THRAP3: variants seen among roughly 807,000 people sequenced by gnomAD.
THRAP3 encodes thyroid hormone receptor associated protein 3.
A neutral mutation model predicts 101.0 loss-of-function variants in THRAP3; 16 were observed. That is an observed-to-expected ratio of 0.16 (90% CI 0.11 to 0.24). The LOEUF is 0.24. THRAP3 is among the 10% of genes least tolerant of loss of function. The pLI is 1.00. For missense variants in THRAP3, 989 were observed against 1,202.7 expected, an observed-to-expected ratio of 0.82 and a Z score of 2.63; for synonymous variants, 407 against 422.6, an observed-to-expected ratio of 0.96 and a Z score of 0.45.
intron 1 of THRAP3, among the ~76,000 whole-genome samples, chr1:36,253,753 C>A (rs910701240): frequency 2.4e-4 from 16 of 67,014 alleles, no homozygotes; most frequent in Admixed American, 1.1e-3. Context: ...ACCATTGAGT[C>A]AGGCTAATTT....
At chr1:36,276,258 G>A (rs1014010062) in intron 2 of THRAP3, among the ~76,000 whole-genome samples, 6 of 151,662 alleles carry the variant, frequency 4.0e-5, no homozygotes, top group African/African-American at 1.2e-4. Context: ...GGGTGTGGTG[G>A]CTCACACCTG....
rs190209024 is a variant in THRAP3, at chr1:36,261,195, C to T, written c.-32+1711C>T. 2.5e-3 allele frequency among the ~76,000 whole-genome samples: 378 copies of T among 152,178 alleles called. 2 individuals are homozygous for T. The highest frequency in any genetic ancestry group is 4.1e-3 in the Non-Finnish European group (280 of 68,018). On this transcript the variant is annotated intron_variant, in intron 2 of 11. Coordinates refer to ENST00000354618, the MANE Select transcript of THRAP3 (RefSeq NM_005119.4). ...GGCAGATCACTTGAGGCCAGGAGTT[C>T]GAGACCAGCTGGCCAACATGGTAAA...
chr1:36,285,762 T>A (rs1645787052), intron 3 of THRAP3, among the ~76,000 whole-genome samples: 1 of 152,254 alleles, frequency 6.6e-6, no homozygotes, highest in African/African-American at 2.4e-5. Flanking sequence ...TTTAGTAAGT[T>A]CTTTTAAGCT....
At chr1:36,223,937 G>C (rs142988952), upstream of THRAP3, among the ~76,000 whole-genome samples, 84 of 152,350 alleles carry the variant, frequency 5.5e-4, 1 homozygote, top group East Asian at 0.011. Context: ...CAACATCGCT[G>C]TGGGGTAGAA....
chr1:36,232,505 T>C (rs1169168399), intron 1 of THRAP3, among the ~76,000 whole-genome samples: 1 of 152,248 alleles, frequency 6.6e-6, no homozygotes, highest in African/African-American at 2.4e-5. Context: ...TGACATGATA[T>C]TTATTTTTAA....
At chr1:36,233,963 C>G (rs1453441767) in intron 1 of THRAP3, among the ~76,000 whole-genome samples, 1 of 151,616 alleles carries the variant, frequency 6.6e-6, no homozygotes, top group Non-Finnish European at 1.5e-5. Context: ...TTTTCTTTTT[C>G]TTTTTATTTT....
chr1:36,289,062 A>G lies in THRAP3; in HGVS notation c.1043A>G (p.Tyr348Cys), dbSNP rs1261204586. 6 of 1,576,144 alleles carry G rather than the reference A, an allele frequency of 3.8e-6. No homozygotes were observed. The Admixed American group carries it at 9.7e-5, about 25-fold the overall frequency. Residue 348 changes from tyrosine to cysteine, a missense_variant and splice_region_variant, in exon 5 of 12, where the codon TAT (tyrosine) becomes TGT (cysteine). Transcript: ENST00000354618. ...ASGGAAYTKR[Y>C]LEEQKTENGK... ...CTCTCTTGTGTTTTTATAAATAGGT[A>G]TCTAGAAGAGCAGAAGACAGAGAAT...
upstream of THRAP3, among the ~76,000 whole-genome samples, chr1:36,222,820 GA>G (rs1265604594): frequency 6.6e-6 from 1 of 152,200 alleles, no homozygotes; most frequent in Non-Finnish European, 1.5e-5. Context: ...TAGACACCCA[GA>G]AAATCTTTGA....
intron 1 of THRAP3, among the ~76,000 whole-genome samples, chr1:36,256,815 A>G (rs1393688024): frequency 6.6e-6 from 1 of 151,626 alleles, no homozygotes; most frequent in Admixed American, 6.6e-5. Flanking sequence ...TTTTTTTGAG[A>G]CAAGAGTTTC....
chr1:36,256,918 C>T (rs1241846574), intron 1 of THRAP3, among the ~76,000 whole-genome samples: 1 of 152,118 alleles, frequency 6.6e-6, no homozygotes, highest in Non-Finnish European at 1.5e-5. Flanking sequence ...GCCTCAGCCT[C>T]CTGAGTAGCT....
intron 1 of THRAP3, among the ~76,000 whole-genome samples, chr1:36,245,161 C>T (rs2124426146): frequency 6.6e-6 from 1 of 151,462 alleles, no homozygotes; most frequent in East Asian, 2.0e-4. Flanking sequence ...ACACCCCCAT[C>T]CCAATCTTTT....
At position 36,293,180 on chromosome 1, in the gene THRAP3, C is replaced by T. The variant is rs116649356; in HGVS notation, c.2030+471C>T. 3.2e-3 allele frequency among the ~76,000 whole-genome samples: 481 copies of T among 152,056 alleles called. 1 individual carries two copies. Among genetic ancestry groups the T allele is most frequent in the African/African-American group, 0.011 (444 of 41,478 alleles). ...AGTACCTGGGATTACAAACGTGTGC[C>T]ACCATGCCCAGCTGATTTTTGTATT... On this transcript the variant is annotated intron_variant, in intron 7 of 11. Transcript: ENST00000354618.
At chr1:36,243,848 G>A (rs1186434679) in intron 1 of THRAP3, among the ~76,000 whole-genome samples, 21 of 142,506 alleles carry the variant, frequency 1.5e-4, no homozygotes, top group Non-Finnish European at 1.7e-4. Flanking sequence ...CCTCCCTCCC[G>A]GACGGGGCGG....
At chr1:36,261,256 G>A (rs372384092) in intron 2 of THRAP3, among the ~76,000 whole-genome samples, 42 of 151,988 alleles carry the variant, frequency 2.8e-4, no homozygotes, top group South Asian at 4.2e-4. Flanking sequence ...AATTAGGCCG[G>A]GTGCGGTGGC....
rs1283635050 is a variant in THRAP3 at position 36,256,468 on chromosome 1, G to C, written c.-134-2914G>C. Among the ~76,000 whole-genome samples, 3 of 151,750 alleles carry C rather than the reference G, an allele frequency of 2.0e-5. No homozygotes were observed. In the East Asian group the frequency reaches 5.8e-4, roughly 29 times the overall value. On this transcript the variant is annotated intron_variant, in intron 1 of 11. Coordinates refer to ENST00000354618, the MANE Select transcript of THRAP3 (RefSeq NM_005119.4). ...TCTCCATCTCCTGACCTCGTGATCC[G>C]CCCGCCTCGGCCTCCCAAAGTGCTG... is the stretch of plus-strand genomic sequence containing the variant.
At chr1:36,276,069 A>G (rs1449178837) in intron 2 of THRAP3, among the ~76,000 whole-genome samples, 1 of 152,126 alleles carries the variant, frequency 6.6e-6, no homozygotes, top group Non-Finnish European at 1.5e-5. Flanking sequence ...TTAAATCATA[A>G]TGGATCATAG....
At chr1:36,236,832 C>T (rs1645095856) in intron 1 of THRAP3, among the ~76,000 whole-genome samples, 1 of 152,216 alleles carries the variant, frequency 6.6e-6, no homozygotes, top group Non-Finnish European at 1.5e-5. Flanking sequence ...GACAATTTTA[C>T]TGAACCTCTT....
chr1:36,267,256 G>A (rs924564), intron 2 of THRAP3, among the ~76,000 whole-genome samples: 121,440 of 152,120 alleles, frequency 0.8, 50,055 homozygotes, highest in East Asian at 0.94. Flanking sequence ...GTGTGGGTGA[G>A]GGTGATTCTC....
the THRAP3 span, among the ~76,000 whole-genome samples, chr1:36,214,048 A>C: frequency 7.9e-6 from 1 of 126,770 alleles, no homozygotes; most frequent in Non-Finnish European, 1.7e-5. Context: ...GAAAGAAAGA[A>C]AGAAAGAAAG....
Sources: gnomAD v4.1 joint callset for allele counts (sites outside exome capture counted in the v4.1 genomes callset) on GRCh38, gnomAD v4.1.1 for gene constraint, MANE v1.5 for transcripts, NCBI Gene and HGNC (gene_info 2026-07-23, HGNC 2026-07-21) for gene names.